PHF3: variants seen among roughly 807,000 people sequenced by gnomAD.
The protein encoded by PHF3 is PHD finger protein 3.
PHF3 carries 41 observed loss-of-function variants against 178.4 expected under a neutral mutation model. That is an observed-to-expected ratio of 0.23 (90% confidence interval 0.18 to 0.30). The LOEUF (loss-of-function observed/expected upper bound fraction) is 0.30, where lower values mean the gene tolerates loss of function less well. PHF3 is among the 10% of genes least tolerant of loss of function. The probability of loss-of-function intolerance (pLI) is 1.00; values close to 1 mark genes in which losing one functional copy is unlikely to be tolerated. For missense variants in PHF3, 2,346 were observed against 2,398.1 expected, an observed-to-expected ratio of 0.98 and a Z score of 0.45; for synonymous variants, 842 against 800.5, an observed-to-expected ratio of 1.05 and a Z score of -0.88.
intron 13 of PHF3, among the ~76,000 whole-genome samples, chr6:63,708,176 G>A (rs1481750857): frequency 6.6e-6 from 1 of 152,046 alleles, no homozygotes; most frequent in African/African-American, 2.4e-5. Flanking sequence ...CTAGCAGTGT[G>A]TTTTCGATTA....
Position 63,709,108 on chromosome 6 carries a change from TAATC to T in PHF3, c.3712-42_3712-39del, listed in dbSNP as rs1235400417. 6.0e-6 allele frequency: 6 copies of T among 1,002,880 alleles called. No individual in the cohort carries two copies. In the East Asian group the frequency reaches 1.3e-4, roughly 22 times the overall value. 62.1% of individuals were successfully genotyped at this position (1,002,880 alleles called of 1,614,324 possible). A position where few individuals can be genotyped will look rare whatever the true frequency, so the allele number is the denominator to read the frequency against. ...TGAATTACTAATGTCATAATAAAGA[TAATC>T]TATATATATTGATCTCTTTTTTTTT... On this transcript the variant is annotated intron_variant, in intron 13 of 15. Transcript: ENST00000262043.
chr6:63,721,185 T>A lies in PHF3; in HGVS notation c.*7477T>A, dbSNP rs1768370055. The A allele has an allele frequency of 6.4e-7, 1 of 1,551,640 alleles. No individual in the cohort carries two copies. The highest frequency in any genetic ancestry group is 2.4e-5 in the East Asian group (1 of 40,914). ...TGCAGTTGAAAATGAAGTTTTGTTT[T>A]CACAATACCTTCCCACCCAACCCAA... is the stretch of plus-strand genomic sequence containing the variant. On this transcript the variant is annotated 3_prime_UTR_variant, in exon 16 of 16. Transcript: ENST00000262043.
At chr6:63,688,667 C>G (rs1481648973) in intron 4 of PHF3, among the ~76,000 whole-genome samples, 1 of 152,082 alleles carries the variant, frequency 6.6e-6, no homozygotes, top group African/African-American at 2.4e-5. Flanking sequence ...CTAGCCTTCA[C>G]TACTACTGTG....
Position 63,684,757 on chromosome 6 carries a change from T to C in PHF3, c.1035T>C (p.Ser345=). ...ILEDAGSSDI[S]SDAACTNPNK... The stretch of plus-strand genomic sequence containing the variant: ...AGGACGCTGGATCTTCTGATATTTC[T>C]AGTGATGCTGCTTGTACAAATCCAA... The change falls in exon 4 of 16, where the codon TCT becomes TCC. Residue 345 remains serine, a synonymous_variant. Coordinates refer to ENST00000262043, the MANE Select transcript of PHF3 (RefSeq NM_001370348.2). The C allele has an allele frequency of 6.2e-7, 1 of 1,614,022 alleles. No homozygotes were observed. Among genetic ancestry groups the C allele is most frequent in the African/African-American group, 1.3e-5 (1 of 75,044 alleles).
At position 63,717,043 on chromosome 6, in the gene PHF3, G is replaced by C. The variant is rs1768212275; in HGVS notation, c.*3335G>C. ...CTTGACTTACTAATTGTAGTTTATT[G>C]TGGGTGAATTAATCTGAAATCTTTA... On this transcript the variant is annotated 3_prime_UTR_variant, in exon 16 of 16. Coordinates refer to ENST00000262043, the MANE Select transcript of PHF3 (RefSeq NM_001370348.2). Among the ~76,000 whole-genome samples the C allele has an allele frequency of 1.3e-5, 2 of 151,964 alleles. No individual in the cohort carries two copies. Among genetic ancestry groups the C allele is most frequent in the African/African-American group, 4.8e-5 (2 of 41,402 alleles).
At chr6:63,654,613 A>G (rs115511119) in intron 2 of PHF3, among the ~76,000 whole-genome samples, 131 of 152,308 alleles carry the variant, frequency 8.6e-4, no homozygotes, top group African/African-American at 3.1e-3. Context: ...TCGAAAGAGT[A>G]TGACCTAGTA....
At chr6:63,670,485 G>A (rs545775718) in intron 2 of PHF3, among the ~76,000 whole-genome samples, 1 of 152,030 alleles carries the variant, frequency 6.6e-6, no homozygotes, top group East Asian at 1.9e-4. Flanking sequence ...AGCCAGGATG[G>A]TCTCGTTAGC....
At chr6:63,650,372 T>TA (rs556631197) in intron 2 of PHF3, among the ~76,000 whole-genome samples, 173 of 152,328 alleles carry the variant, frequency 1.1e-3, no homozygotes, top group African/African-American at 4.0e-3. Flanking sequence ...ATTGAACTCT[T>TA]ACAGGTATCC....
chr6:63,644,412 A>C (rs1434121773), intron 1 of PHF3, among the ~76,000 whole-genome samples: 4 of 152,112 alleles, frequency 2.6e-5, no homozygotes, highest in Non-Finnish European at 4.4e-5. Flanking sequence ...GAACCTAAAA[A>C]CATATTGGGC....
Position 63,646,778 on chromosome 6 carries a change from A to G in PHF3, c.227A>G (p.Gln76Arg). Reference protein sequence around the residue: ...PVLDSNDPNFQMPCSTVVGLD... With the variant: ...PVLDSNDPNFRMPCSTVVGLD... The stretch of plus-strand genomic sequence containing the variant: ...TTGGATAGCAATGATCCCAATTTCC[A>G]GATGCCTTGTTCAACAGGTAATTCT... Residue 76 changes from glutamine (Q) to arginine (R), a missense_variant, in exon 2 of 16, where the codon CAG (glutamine) becomes CGG (arginine). Transcript: ENST00000262043. 1 of 1,506,160 alleles carries G rather than the reference A, an allele frequency of 6.6e-7. No individual in the cohort carries two copies. Among genetic ancestry groups the G allele is most frequent in the Non-Finnish European group, 8.9e-7 (1 of 1,122,540 alleles). The allele number at this position is 1,506,160 out of a possible 1,614,324, so 93.3% of individuals were successfully genotyped here.
intron 6 of PHF3, among the ~76,000 whole-genome samples, chr6:63,695,637 T>A (rs956957502): frequency 6.6e-6 from 1 of 152,152 alleles, no homozygotes; most frequent in Admixed American, 6.5e-5. Context: ...CTGTACAGTT[T>A]GGATTGTAGG....
In PHF3 at chr6:63,717,129, T is replaced by C. The variant is rs1196728517; in HGVS notation, c.*3421T>C. ...AATTTAAGAACAATAACACCAGCAA[T>C]AGAGAAGAAAATGGAGTGAAAAGTG... On this transcript the variant is annotated 3_prime_UTR_variant, in exon 16 of 16. Transcript: ENST00000262043. Among the ~76,000 whole-genome samples the C allele has an allele frequency of 1.3e-5, 2 of 152,010 alleles. No homozygotes were observed. Among genetic ancestry groups the C allele is most frequent in the Non-Finnish European group, 2.9e-5 (2 of 67,974 alleles).
At chr6:63,675,132 T>A (rs767447291) in intron 2 of PHF3, among the ~76,000 whole-genome samples, 5 of 152,158 alleles carry the variant, frequency 3.3e-5, no homozygotes, top group African/African-American at 4.8e-5. Context: ...GGAATTTGAA[T>A]GTGATGTAAA....
At chr6:63,688,238 C>CCCCTCCCCTCCCCCCTCCCCCT in intron 4 of PHF3, among the ~76,000 whole-genome samples, 1 of 8,062 alleles carries the variant, frequency 1.2e-4, no homozygotes, top group South Asian at 7.1e-3. Flanking sequence ...CCTCCCCCTC[C>CCCCTCCCCTCCCCCCTCCCCCT]CCTCCCCCCT....
In PHF3 at chr6:63,706,053, A is replaced by G. The variant is rs1282226271; in HGVS notation, c.3392A>G (p.Asp1131Gly). The change falls in exon 12 of 16, where the codon GAT becomes GGT. Residue 1131 changes from aspartate to glycine, a missense_variant. This residue lies in a region of PHF3 where 205 missense variants were observed against 212.4 expected (regional missense o/e 0.97). Transcript: ENST00000262043. Reference sequence around the variant, plus strand: ...GGTCGAATGGCACCACCTGTAGATGATCTTTCTCCAAAAAAAGTAAAAGTT... The same window carrying G: ...GGTCGAATGGCACCACCTGTAGATGGTCTTTCTCCAAAAAAAGTAAAAGTT... ...CIGRMAPPVD[D>G]LSPKKVKVVV... The G allele has an allele frequency of 7.4e-6, 12 of 1,613,236 alleles. No individual in the cohort carries two copies. The East Asian group carries it at 2.0e-4, about 27-fold the overall frequency.
intron 2 of PHF3, among the ~76,000 whole-genome samples, chr6:63,651,988 G>A (rs1473019647): frequency 1.3e-5 from 2 of 152,066 alleles, no homozygotes; most frequent in African/African-American, 2.4e-5. Flanking sequence ...TATGGCTATT[G>A]TTAATAGTGC....
intron 1 of PHF3, among the ~76,000 whole-genome samples, chr6:63,637,646 G>A (rs113886088): frequency 9.3e-6 from 1 of 107,450 alleles, no homozygotes; most frequent in African/African-American, 3.7e-5. Context: ...CTTCATCATC[G>A]TCATTATCAC....
At chr6:63,651,145 C>T (rs1765003539) in intron 2 of PHF3, among the ~76,000 whole-genome samples, 1 of 151,856 alleles carries the variant, frequency 6.6e-6, no homozygotes, top group Non-Finnish European at 1.5e-5. Context: ...TTGTGGGGTA[C>T]AGTAATATTT....
intron 8 of PHF3, among the ~76,000 whole-genome samples, chr6:63,699,784 T>A (rs58531869): frequency 0.083 from 12,645 of 151,962 alleles, 569 homozygotes; most frequent in East Asian, 0.16. Flanking sequence ...AGAGACGGGG[T>A]TTCACCATTT....
Sources: allele counts gnomAD v4.1 joint callset (sites outside exome capture counted in the v4.1 genomes callset), GRCh38; gene constraint gnomAD v4.1.1; regional missense constraint gnomAD v4.1.1; transcripts MANE v1.5; gene names NCBI Gene and HGNC (gene_info 2026-07-23, HGNC 2026-07-21).